TSPAN16: variants seen among roughly 807,000 people sequenced by gnomAD.
The protein encoded by TSPAN16 is tetraspanin-16.
Under a neutral mutation model 25.2 loss-of-function variants are expected in TSPAN16, and 23 were observed. That is an observed-to-expected ratio of 0.91 (90% confidence interval 0.66 to 1.29). The LOEUF (loss-of-function observed/expected upper bound fraction) is 1.29, where lower values mean the gene tolerates loss of function less well. Ranked by LOEUF, TSPAN16 falls within the 50% of genes most tolerant of loss-of-function variation. The pLI is 0.00. For synonymous variants in TSPAN16, 123 were observed against 124.4 expected (o/e 0.99, Z 0.08); for missense variants, 272 against 299.9 (o/e 0.91, Z 0.69).
At chr19:11,320,840 G>C (rs2147961795), downstream of TSPAN16, among the ~76,000 whole-genome samples, 2 of 152,154 alleles carry the variant, frequency 1.3e-5, no homozygotes. Context: ...TTTTCCTACT[G>C]CTGGAAAGAA....
intron 6 of TSPAN16, chr19:11,324,053 A>C (rs907337015): frequency 6.6e-6 from 1 of 152,064 alleles, no homozygotes; most frequent in Non-Finnish European, 1.5e-5. Flanking sequence ...ATCACAGTCC[A>C]TCCCCCCCAT....
At chr19:11,314,963 C>T (rs929418556) in intron 6 of TSPAN16, among the ~76,000 whole-genome samples, 2 of 152,020 alleles carry the variant, frequency 1.3e-5, no homozygotes, top group African/African-American at 4.8e-5. Flanking sequence ...GGGCCAGGCG[C>T]GGTAGTTCAC....
rs1482797058 is a variant in TSPAN16 at position 11,301,021 on chromosome 19, G to T, written c.343-180G>T. On this transcript the variant is annotated intron_variant, in intron 3 of 6. Transcript: ENST00000590327. ...CGTCTCCCTGTTTCCCTCTCTTGTG[G>T]TGGGGGCACAGTAGCCTTCGTGTGT... The T allele has an allele frequency of 1.8e-5, 10 of 571,420 alleles. No homozygotes were observed. The East Asian group carries it at 2.1e-4, about 12-fold the overall frequency. The allele number at this position is 571,420 out of a possible 1,614,324, so 35.4% of individuals were successfully genotyped here. A position where few individuals can be genotyped will look rare whatever the true frequency, so the allele number is the denominator to read the frequency against.
chr19:11,317,815 A>C (rs2080756747), downstream of TSPAN16, among the ~76,000 whole-genome samples: 1 of 147,538 alleles, frequency 6.8e-6, no homozygotes, highest in Non-Finnish European at 1.5e-5. Flanking sequence ...AGAGCAATAC[A>C]CTGTCTCAAA....
At chr19:11,315,989 C>G, downstream of TSPAN16, 1 of 1,221,692 alleles carries the variant, frequency 8.2e-7, no homozygotes, top group Non-Finnish European at 1.0e-6. Context: ...ACTTCTTTCT[C>G]CTTACTTTCA....
At chr19:11,323,866 TGTTG>T (rs2080795647) in intron 6 of TSPAN16, 1 of 151,986 alleles carries the variant, frequency 6.6e-6, no homozygotes, top group Non-Finnish European at 1.5e-5. Context: ...TGTGAAGGGG[TGTTG>T]GTTGGTGTTT....
intron 4 of TSPAN16, among the ~76,000 whole-genome samples, chr19:11,305,468 T>G (rs1450848451): frequency 6.6e-6 from 1 of 151,340 alleles, no homozygotes; most frequent in Non-Finnish European, 1.5e-5. Flanking sequence ...AGGTGGAAGT[T>G]GCAGAGAGCC....
chr19:11,325,077 C>A, intron 6 of TSPAN16: 1 of 251,392 alleles, frequency 4.0e-6, no homozygotes, highest in South Asian at 6.1e-5. Context: ...GATGCCCCTC[C>A]ATCAGAAAGA....
intron 4 of TSPAN16, among the ~76,000 whole-genome samples, chr19:11,303,537 A>C (rs2080590670): frequency 7.5e-6 from 1 of 133,176 alleles, no homozygotes; most frequent in Non-Finnish European, 1.6e-5. Context: ...TGTGAGAAAC[A>C]CCCAAGAATG....
chr19:11,298,273 C>T lies in TSPAN16; in HGVS notation c.201C>T (p.Ile67=), dbSNP rs769410846. Residue 67 remains isoleucine (I), a synonymous_variant, in exon 2 of 7, where the codon ATC becomes ATT. Coordinates refer to ENST00000590327, the MANE Select transcript of TSPAN16 (RefSeq NM_001282509.2). ...VGNLCLVMGC[I]TVLLGCAGWY... is the part of the protein sequence containing the mutation. ...ACCTGTGCCTGGTGATGGGATGCAT[C>T]ACGGTACTGCTTGGCTGTGCCGGGT... The T allele has an allele frequency of 2.4e-5, 38 of 1,614,018 alleles. No individual in the cohort carries two copies. The Admixed American group carries it at 2.7e-4, about 11-fold the overall frequency.
At chr19:11,318,255 G>A (rs1472404974), downstream of TSPAN16, among the ~76,000 whole-genome samples, 2 of 152,100 alleles carry the variant, frequency 1.3e-5, no homozygotes, top group Admixed American at 1.3e-4. Context: ...TCGATCTTCT[G>A]ACCTCGTGAT....
At chr19:11,302,680 C>T (rs74180176) in intron 4 of TSPAN16, among the ~76,000 whole-genome samples, 38,699 of 119,950 alleles carry the variant, frequency 0.32, 6,039 homozygotes, top group African/African-American at 0.51. Flanking sequence ...TATATATATA[C>T]ACACACACAC....
In TSPAN16 at chr19:11,306,700, A is replaced by G. The variant is rs1276596926; in HGVS notation, c.547A>G (p.Ile183Val). 9 of 1,614,000 alleles carry G rather than the reference A, an allele frequency of 5.6e-6. No homozygotes were observed. The Admixed American group carries it at 6.7e-5, about 12-fold the overall frequency. Residue 183 changes from isoleucine to valine, a missense_variant, in exon 5 of 7, where the codon ATC (isoleucine) becomes GTC (valine). Transcript: ENST00000590327. Reference protein sequence around the residue: ...HTYPRSCCKSIGSVSCDGRDV... With the variant: ...HTYPRSCCKSVGSVSCDGRDV... The stretch of plus-strand genomic sequence containing the variant: ...CTACCCCAGGAGTTGCTGTAAATCC[A>G]TCGGAAGTGTGTCCTGTGACGGACG...
chr19:11,319,576 C>T (rs537938800), downstream of TSPAN16, among the ~76,000 whole-genome samples: 19 of 151,296 alleles, frequency 1.3e-4, no homozygotes, highest in Admixed American at 3.3e-4. Flanking sequence ...CCAGCCTGGG[C>T]GACAGAGCGA....
At chr19:11,305,629 G>T (rs2080618148) in intron 4 of TSPAN16, among the ~76,000 whole-genome samples, 1 of 152,160 alleles carries the variant, frequency 6.6e-6, no homozygotes, top group Admixed American at 6.6e-5. Flanking sequence ...CACTTTGGGA[G>T]GCTGAGATGG....
At chr19:11,306,540 C>G in intron 4 of TSPAN16, 64 bp from the exon 5 acceptor site, 2 of 1,593,430 alleles carry the variant, frequency 1.3e-6, no homozygotes, top group Non-Finnish European at 1.7e-6. Context: ...CCATGGTAAC[C>G]GTGATTTCTG....
Position 11,307,513 on chromosome 19 carries a change from G to A in TSPAN16, c.603+757G>A, listed in dbSNP as rs190348036. ...GGCTCACTGCAGCCTCAAACTCCTG[G>A]GCTCAAGTGATCCTCCTGCCTCAGC... is the stretch of plus-strand genomic sequence containing the variant. On this transcript the variant is annotated intron_variant, in intron 5 of 6. Transcript: ENST00000590327. Among the ~76,000 whole-genome samples the A allele has an allele frequency of 2.7e-3, 402 of 151,646 alleles. 4 individuals are homozygous for A. The highest frequency in any genetic ancestry group is 9.2e-3 in the African/African-American group (378 of 41,294).
chr19:11,309,926 C>A (rs2080671862), intron 5 of TSPAN16, among the ~76,000 whole-genome samples: 1 of 152,028 alleles, frequency 6.6e-6, no homozygotes, highest in Non-Finnish European at 1.5e-5. Context: ...CATAGCAAGA[C>A]CCTCATCTTC....
chr19:11,317,638 G>A (rs547467101), downstream of TSPAN16, among the ~76,000 whole-genome samples: 5 of 152,056 alleles, frequency 3.3e-5, no homozygotes, highest in African/African-American at 1.2e-4. Context: ...GGGATTACAG[G>A]CATGTGCCAC....
Sources: allele counts gnomAD v4.1 joint callset (sites outside exome capture counted in the v4.1 genomes callset), GRCh38; gene constraint gnomAD v4.1.1; transcripts MANE v1.5; gene names NCBI Gene and HGNC (gene_info 2026-07-23, HGNC 2026-07-21).